CES4A: variants seen among roughly 807,000 people sequenced by gnomAD.
CES4A encodes carboxylesterase 4A.
Under a neutral mutation model 65.4 loss-of-function variants are expected in CES4A, and 48 were observed. That is an observed-to-expected ratio of 0.73 (90% CI 0.58 to 0.93). The LOEUF is 0.93. CES4A is among the 40% of genes least tolerant of loss of function. The pLI, the probability that CES4A is intolerant of heterozygous loss-of-function variation, is 0.00. For missense variants in CES4A, 685 were observed against 728.5 expected (o/e 0.94, Z 0.69); for synonymous variants, 247 against 281.8 (o/e 0.88, Z 1.24).
chr16:66,989,567 T>A (rs567977576), intron 1 of CES4A, among the ~76,000 whole-genome samples: 58 of 152,098 alleles, frequency 3.8e-4, no homozygotes, highest in African/African-American at 1.3e-3. Flanking sequence ...AAACATTTTT[T>A]AAAAAGTTTT....
chr16:67,004,303 G>C (rs917920549), intron 9 of CES4A, 79 bp downstream of exon 9: 10 of 1,523,294 alleles, frequency 6.6e-6, no homozygotes, highest in Non-Finnish European at 9.0e-6. Context: ...ATGCCTCTTG[G>C]ACGGTGCTGG....
intron 1 of CES4A, among the ~76,000 whole-genome samples, chr16:66,991,693 C>T (rs990461806): frequency 1.2e-4 from 19 of 152,216 alleles, no homozygotes; most frequent in African/African-American, 4.6e-4. Context: ...TAAGGCACTG[C>T]TCTGATGTAA....
intron 1 of CES4A, among the ~76,000 whole-genome samples, chr16:66,993,615 A>T (rs1437670363): frequency 6.6e-6 from 1 of 151,934 alleles, no homozygotes; most frequent in Admixed American, 6.6e-5. Flanking sequence ...AAGTGCTGGG[A>T]TTATAGGCGT....
intron 10 of CES4A, 75 bp downstream of exon 10, chr16:67,004,948 C>G (rs773274520): frequency 3.3e-6 from 4 of 1,197,416 alleles, no homozygotes; most frequent in African/African-American, 1.5e-5. Flanking sequence ...CTAGTAGCTG[C>G]TCTTTGCAAA....
chr16:66,990,327 G>A (rs1964291136), intron 1 of CES4A, among the ~76,000 whole-genome samples: 1 of 152,040 alleles, frequency 6.6e-6, no homozygotes, highest in African/African-American at 2.4e-5. Flanking sequence ...TGCTGGGACC[G>A]CAGGCATGAG....
chr16:67,010,401 A>G (rs1157536862), downstream of CES4A, among the ~76,000 whole-genome samples: 1 of 149,284 alleles, frequency 6.7e-6, no homozygotes, highest in African/African-American at 2.5e-5. Context: ...ACACACGACA[A>G]ATTTTACCAT....
intron 1 of CES4A, 137 bp downstream of exon 1, chr16:66,988,967 T>C: frequency 1.9e-6 from 2 of 1,052,370 alleles, no homozygotes; most frequent in Non-Finnish European, 2.7e-6. Context: ...GAGGGTAGGG[T>C]TTCAGGACAC....
At chr16:67,006,505 G>T (rs1965771028) in exon 12 of CES4A, 2 of 1,537,088 alleles carry the variant, frequency 1.3e-6, no homozygotes, top group East Asian at 2.4e-5. Flanking sequence ...CTCTTTGGGG[G>T]CCCCTTCGCC....
chr16:66,995,402 T>C (rs1964761098), intron 1 of CES4A, among the ~76,000 whole-genome samples: 1 of 152,036 alleles, frequency 6.6e-6, no homozygotes, highest in South Asian at 2.1e-4. Context: ...CAAGAAGAAG[T>C]GGACAGACAC....
At chr16:67,008,779 C>A in intron 13 of CES4A, 195 bp from the exon 14 acceptor site, 1 of 596,968 alleles carries the variant, frequency 1.7e-6, no homozygotes, top group Non-Finnish European at 3.0e-6. Flanking sequence ...CTCAACCTGG[C>A]ACATACTGTT....
In CES4A at chr16:67,003,512, T is replaced by A. The variant is rs771469912; in HGVS notation, c.901-3T>A. On this transcript the variant is annotated splice_polypyrimidine_tract_variant and splice_region_variant and intron_variant, in intron 7 of 13. Coordinates refer to ENST00000648724, the Ensembl canonical transcript of CES4A. This position sits in a 1 kb window ranked among gnomAD's most constrained non-coding sequence, Gnocchi z 4.2. Reference sequence around the variant, plus strand: ...AACTCTGATCCCTTCCTCTCCCCCATAGAGATTCCTCCAACTGAACTTCCA... The same window carrying A: ...AACTCTGATCCCTTCCTCTCCCCCAAAGAGATTCCTCCAACTGAACTTCCA... 2 of 1,613,206 alleles carry A rather than the reference T, an allele frequency of 1.2e-6. No homozygotes were observed. The highest frequency in any genetic ancestry group is 8.5e-7 in the Non-Finnish European group (1 of 1,179,178).
chr16:66,992,839 G>A (rs960304634), intron 1 of CES4A, among the ~76,000 whole-genome samples: 9 of 152,042 alleles, frequency 5.9e-5, no homozygotes, highest in Non-Finnish European at 1.0e-4. Context: ...CGCTGGCCTG[G>A]CTAATTATTA....
At position 67,001,555 on chromosome 16, in the gene CES4A, G is replaced by T; in HGVS notation, c.690+94G>T. 2 of 1,418,928 alleles carry T rather than the reference G, an allele frequency of 1.4e-6. No homozygotes were observed. Among genetic ancestry groups the T allele is most frequent in the Non-Finnish European group, 1.9e-6 (2 of 1,053,170 alleles). 87.9% of individuals were successfully genotyped at this position (1,418,928 alleles called of 1,614,324 possible). ...CTGCACAGGCCATGTGCAGATTTGC[G>T]TGTACAGGAACGTGCCTGCCACAGA... On this transcript the variant is annotated intron_variant, in intron 5 of 13. Transcript: ENST00000648724. The surrounding 1 kb of genome is among the most constrained non-coding windows in gnomAD (Gnocchi z 4.1).
At position 67,001,163 on chromosome 16, in the gene CES4A, A is replaced by C. The variant is rs560470036; in HGVS notation, c.537-145A>C. On this transcript the variant is annotated intron_variant, in intron 4 of 13. Transcript: ENST00000648724. This position sits in a 1 kb window ranked among gnomAD's most constrained non-coding sequence, Gnocchi z 4.1. ...CGCTCCATACCATCTGGATGGGGCG[A>C]GCTAACTCCAAGGAAGGGGGTGTGG... 1 of 1,356,550 alleles carries C rather than the reference A, an allele frequency of 7.4e-7. No individual in the cohort carries two copies. Among genetic ancestry groups the C allele is most frequent in the South Asian group, 1.4e-5 (1 of 69,544 alleles). The allele number at this position is 1,356,550 out of a possible 1,614,324, so 84.0% of individuals were successfully genotyped here. A position where few individuals can be genotyped will look rare whatever the true frequency, so the allele number is the denominator to read the frequency against.
chr16:66,994,805 C>T (rs940691685), intron 1 of CES4A, among the ~76,000 whole-genome samples: 1 of 150,204 alleles, frequency 6.7e-6, no homozygotes, highest in African/African-American at 2.5e-5. Flanking sequence ...CGCCATTGTA[C>T]TCCAGCCTGG....
At chr16:66,995,922 T>C in intron 2 of CES4A, 93 bp downstream of exon 2, 1 of 1,249,992 alleles carries the variant, frequency 8.0e-7, no homozygotes. Flanking sequence ...AAGAACTCAC[T>C]GTGTGATCAC....
At position 67,009,113 on chromosome 16, in the gene CES4A, C is replaced by CA. The variant is rs1965994624; in HGVS notation, c.1660dup (p.Arg554LysfsTer3). On this transcript the variant is annotated frameshift_variant, in exon 14 of 14. Transcript: ENST00000648724. LOFTEE classifies it high-confidence loss of function. Reference sequence around the variant, plus strand: ...TTTTTGGATGAGTCTGTACCAGTCTCAAAGACCTGAGAAGCAGAGGCAATT... The same window carrying CA: ...TTTTTGGATGAGTCTGTACCAGTCTCAAAAGACCTGAGAAGCAGAGGCAATT... 2 of 1,613,154 alleles carry CA rather than the reference C, an allele frequency of 1.2e-6. No homozygotes were observed. Among genetic ancestry groups the CA allele is most frequent in the Non-Finnish European group, 1.7e-6 (2 of 1,179,850 alleles).
At chr16:67,004,004 C>T (rs545278868) in intron 8 of CES4A, 80 bp from the exon 9 acceptor site, 13 of 1,483,080 alleles carry the variant, frequency 8.8e-6, no homozygotes, top group Non-Finnish European at 1.2e-5. Flanking sequence ...CTAGAGCAGC[C>T]TCTGAAGGGG....
intron 10 of CES4A, 113 bp from the exon 11 acceptor site, chr16:67,005,127 C>T (rs1293005227): frequency 1.3e-5 from 14 of 1,109,914 alleles, no homozygotes; most frequent in Non-Finnish European, 1.3e-6. Flanking sequence ...CCCTTTCTCC[C>T]CCTCCCAGGC....
Sources: gnomAD v4.1 joint callset for allele counts (sites outside exome capture counted in the v4.1 genomes callset) on GRCh38, gnomAD v4.1.1 for gene constraint, Gnocchi (gnomAD v3.1) non-coding constraint, MANE v1.5 for transcripts, NCBI Gene and HGNC (gene_info 2026-07-23, HGNC 2026-07-21) for gene names.